Variants in CCDC6 observed in about 807,000 individuals in gnomAD.
CCDC6 encodes coiled-coil domain-containing protein 6.
Under a neutral mutation model 56.6 loss-of-function variants are expected in CCDC6, and 20 were observed. That is an observed-to-expected ratio of 0.35 (90% CI 0.25 to 0.51). The LOEUF is 0.51. Among genes scored for constraint, CCDC6 ranks in the 20% least tolerant of loss-of-function variants. The pLI, the probability that CCDC6 is intolerant of heterozygous loss-of-function variation, is 0.95. For missense variants in CCDC6, 367 were observed against 601.1 expected, an observed-to-expected ratio of 0.61 and a Z score of 4.07; for synonymous variants, 241 against 234.4, an observed-to-expected ratio of 1.03 and a Z score of -0.26.
chr10:59,882,404 CA>C lies in CCDC6; in HGVS notation c.303+23717del, dbSNP rs1274634889. 8.8e-3 allele frequency among the ~76,000 whole-genome samples: 13 copies of C among 1,476 alleles called. 2 individuals carry two copies. Among genetic ancestry groups the C allele is most frequent in the African/African-American group, 0.019 (7 of 372 alleles). 1.0% of individuals were successfully genotyped at this position (1,476 alleles called of 152,430 possible). On this transcript the variant is annotated intron_variant, in intron 1 of 8. Transcript: ENST00000263102. ...GCCGCGGGGAGAAGGAAAGGAAAGC[CA>C]GGGGGAGAAGGAAAGGAAAGCCAGG... is the stretch of plus-strand genomic sequence containing the variant.
At chr10:59,877,069 C>G (rs1229397252) in intron 1 of CCDC6, among the ~76,000 whole-genome samples, 1 of 152,102 alleles carries the variant, frequency 6.6e-6, no homozygotes, top group Non-Finnish European at 1.5e-5. Context: ...AGAAAAGGTA[C>G]AGTAAAAATA....
chr10:59,887,078 A>G (rs1330726442), intron 1 of CCDC6, among the ~76,000 whole-genome samples: 1 of 152,244 alleles, frequency 6.6e-6, no homozygotes, highest in Non-Finnish European at 1.5e-5. Flanking sequence ...ATATAGGGCA[A>G]TCGACACAAC....
At chr10:59,823,119 C>T (rs2070760379) in intron 3 of CCDC6, among the ~76,000 whole-genome samples, 1 of 152,166 alleles carries the variant, frequency 6.6e-6, no homozygotes. Flanking sequence ...ATTTACCATC[C>T]TTCAATTCAT....
intron 1 of CCDC6, among the ~76,000 whole-genome samples, chr10:59,883,984 G>A (rs192144409): frequency 1.2e-4 from 18 of 152,148 alleles, no homozygotes; most frequent in African/African-American, 3.9e-4. Flanking sequence ...TTGAGAGAGT[G>A]ACCCATACAA....
chr10:59,807,474 ACT>A lies in CCDC6; in HGVS notation c.848-398_848-397del, dbSNP rs953933679. 3.9e-5 allele frequency among the ~76,000 whole-genome samples: 6 copies of A among 152,196 alleles called. No homozygotes were observed. In the East Asian group the frequency reaches 7.7e-4, roughly 20 times the overall value. On this transcript the variant is annotated intron_variant, in intron 5 of 8. Transcript: ENST00000263102. Reference sequence around the variant, plus strand: ...ACTTCAGCCTGGGCAACACAGCAAGACTCTGTCTCAAAAAACAAAGAAACAAA... The same window carrying A: ...ACTTCAGCCTGGGCAACACAGCAAGACTGTCTCAAAAAACAAAGAAACAAA...
chr10:59,878,805 G>A (rs1050741096), intron 1 of CCDC6, among the ~76,000 whole-genome samples: 6 of 152,142 alleles, frequency 3.9e-5, no homozygotes, highest in African/African-American at 1.4e-4. Context: ...GCATCCCAAT[G>A]AAGTTTTTTT....
chr10:59,860,376 G>A (rs967808067), intron 1 of CCDC6, among the ~76,000 whole-genome samples: 1 of 152,060 alleles, frequency 6.6e-6, no homozygotes, highest in African/African-American at 2.4e-5. Flanking sequence ...CATGACCCAG[G>A]TACCAGGGCC....
At position 59,791,305 on chromosome 10, in the gene CCDC6, T is replaced by A; in HGVS notation, c.*1612A>T. ...AGGAAGAGGTGAAAAAATCTTATTGTTGCTTTTACTCTCAAGTTCTTAAAA... is the reference window on the plus strand; with the variant it reads ...AGGAAGAGGTGAAAAAATCTTATTGATGCTTTTACTCTCAAGTTCTTAAAA... On this transcript the variant is annotated 3_prime_UTR_variant, in exon 9 of 9. Coordinates refer to ENST00000263102, the MANE Select transcript of CCDC6 (RefSeq NM_005436.5). 1 of 201,750 alleles carries A rather than the reference T, an allele frequency of 5.0e-6. No individual in the cohort carries two copies. The highest frequency in any genetic ancestry group is 1.0e-5 in the Non-Finnish European group (1 of 97,996). 12.5% of individuals were successfully genotyped at this position (201,750 alleles called of 1,614,324 possible).
intron 1 of CCDC6, among the ~76,000 whole-genome samples, chr10:59,868,734 T>C (rs1024252281): frequency 2.6e-5 from 4 of 152,166 alleles, no homozygotes; most frequent in Non-Finnish European, 4.4e-5. Context: ...TTCTGGAACT[T>C]TGGTACATGC....
intron 3 of CCDC6, among the ~76,000 whole-genome samples, chr10:59,832,211 A>C (rs1342665626): frequency 6.6e-6 from 1 of 152,234 alleles, no homozygotes; most frequent in African/African-American, 2.4e-5. Context: ...CTTTCACAGA[A>C]ACTATCCTGT....
At chr10:59,872,894 C>T (rs71495613) in intron 1 of CCDC6, among the ~76,000 whole-genome samples, 2,430 of 152,126 alleles carry the variant, frequency 0.016, 31 homozygotes, top group Non-Finnish European at 0.024. Context: ...GAAAATCTAG[C>T]ACAGGTCCTC....
intron 3 of CCDC6, among the ~76,000 whole-genome samples, chr10:59,829,033 T>A (rs2070812732): frequency 6.6e-6 from 1 of 152,218 alleles, no homozygotes; most frequent in African/African-American, 2.4e-5. Flanking sequence ...AATAAGTGGA[T>A]TCCAGATTCA....
intron 2 of CCDC6, among the ~76,000 whole-genome samples, chr10:59,847,889 C>A (rs1564747894): frequency 7.6e-6 from 1 of 131,492 alleles, no homozygotes; most frequent in Non-Finnish European, 1.5e-5. Flanking sequence ...AATGTCATTT[C>A]ACTAAAACGT....
At chr10:59,883,321 T>G (rs79908709) in intron 1 of CCDC6, among the ~76,000 whole-genome samples, 2,548 of 152,154 alleles carry the variant, frequency 0.017, 30 homozygotes, top group Middle Eastern at 0.044. Context: ...GGAAATAAAC[T>G]CTCCCTTTTA....
chr10:59,826,542 C>A (rs2070788937), intron 3 of CCDC6, among the ~76,000 whole-genome samples: 1 of 152,178 alleles, frequency 6.6e-6, no homozygotes, highest in South Asian at 2.1e-4. Flanking sequence ...CAGCACTGGC[C>A]TCCCTGGACC....
At chr10:59,833,472 A>G (rs1365483497) in intron 2 of CCDC6, among the ~76,000 whole-genome samples, 2 of 152,140 alleles carry the variant, frequency 1.3e-5, no homozygotes, top group Non-Finnish European at 2.9e-5. Flanking sequence ...TTATTCATGC[A>G]ATTAAAAGAT....
intron 7 of CCDC6, among the ~76,000 whole-genome samples, chr10:59,797,346 A>G (rs542375560): frequency 6.6e-6 from 1 of 152,174 alleles, no homozygotes; most frequent in East Asian, 1.9e-4. Flanking sequence ...CTTAAAAATA[A>G]GAGGATAGAT....
chr10:59,865,650 G>C (rs1332658626), intron 1 of CCDC6, among the ~76,000 whole-genome samples: 1 of 151,888 alleles, frequency 6.6e-6, no homozygotes, highest in Non-Finnish European at 1.5e-5. Context: ...TCAAGAGATA[G>C]AGACCATCCT....
intron 3 of CCDC6, among the ~76,000 whole-genome samples, chr10:59,818,501 G>A (rs951129060): frequency 7.1e-6 from 1 of 141,526 alleles, no homozygotes; most frequent in South Asian, 2.7e-4. Context: ...TTGACGGGGG[G>A]GGGGGAAGCA....
Sources: gnomAD v4.1 joint callset for allele counts (sites outside exome capture counted in the v4.1 genomes callset) on GRCh38, gnomAD v4.1.1 for gene constraint, MANE v1.5 for transcripts, NCBI Gene and HGNC (gene_info 2026-07-23, HGNC 2026-07-21) for gene names.